HOMER1: variants seen among roughly 807,000 people sequenced by gnomAD.
The protein encoded by HOMER1 is homer scaffold protein 1, also known as homer protein homolog 1.
In HOMER1, 3 loss-of-function variants were observed where a neutral mutation model predicts 48.9. That is an observed-to-expected ratio of 0.06 (90% CI 0.03 to 0.16). The LOEUF (loss-of-function observed/expected upper bound fraction) is 0.16, where lower values mean the gene tolerates loss of function less well. Ranked by LOEUF, HOMER1 falls within the 10% of genes least tolerant of loss-of-function variation. HOMER1 has a pLI of 1.00. For missense variants in HOMER1, 247 were observed against 411.4 expected, an observed-to-expected ratio of 0.60 and a Z score of 3.46; for synonymous variants, 134 against 146.4, an observed-to-expected ratio of 0.92 and a Z score of 0.61.
chr5:79,448,112 A>G (rs1750931840), intron 3 of HOMER1, among the ~76,000 whole-genome samples: 1 of 152,166 alleles, frequency 6.6e-6, no homozygotes, highest in Admixed American at 6.5e-5. Context: ...CATTATCACA[A>G]CTTTTCCTTC....
At chr5:79,458,077 C>T (rs1751220770) in intron 1 of HOMER1, among the ~76,000 whole-genome samples, 1 of 152,114 alleles carries the variant, frequency 6.6e-6, no homozygotes, top group Non-Finnish European at 1.5e-5. Context: ...ATATCTCTTA[C>T]TTAGATCAAG....
intron 8 of HOMER1, among the ~76,000 whole-genome samples, chr5:79,394,606 C>A (rs977328074): frequency 1.3e-5 from 2 of 152,116 alleles, no homozygotes; most frequent in Non-Finnish European, 2.9e-5. Flanking sequence ...GAGAAAGGGT[C>A]TCATTCTGTC....
At chr5:79,479,682 G>A (rs1751892550) in intron 1 of HOMER1, among the ~76,000 whole-genome samples, 1 of 151,196 alleles carries the variant, frequency 6.6e-6, no homozygotes, top group Non-Finnish European at 1.5e-5. Context: ...ATGAACGTGT[G>A]TTGTTTTAAG....
At chr5:79,508,411 G>A (rs1040361022) in intron 1 of HOMER1, among the ~76,000 whole-genome samples, 3 of 152,226 alleles carry the variant, frequency 2.0e-5, no homozygotes, top group South Asian at 2.1e-4. Context: ...TCTTTCCAAC[G>A]GGTCATAGCC....
At chr5:79,439,196 A>C (rs761210499) in intron 4 of HOMER1, 47 bp from the exon 5 acceptor site, 2 of 1,595,916 alleles carry the variant, frequency 1.3e-6, no homozygotes, top group Non-Finnish European at 1.7e-6. Context: ...ACTTTTGTTA[A>C]AGTACACAAT....
chr5:79,425,756 C>T (rs575195661), intron 5 of HOMER1, among the ~76,000 whole-genome samples: 1 of 151,828 alleles, frequency 6.6e-6, no homozygotes, highest in Non-Finnish European at 1.5e-5. Flanking sequence ...TACTAGTATC[C>T]ATTCTCTGTA....
chr5:79,447,589 C>T (rs1447479724), intron 3 of HOMER1, among the ~76,000 whole-genome samples: 2 of 152,158 alleles, frequency 1.3e-5, no homozygotes, highest in African/African-American at 4.8e-5. Flanking sequence ...TATAAACTCT[C>T]TTAATACACA....
chr5:79,457,748 A>G (rs111479645), intron 1 of HOMER1, among the ~76,000 whole-genome samples: 13 of 152,332 alleles, frequency 8.5e-5, no homozygotes, highest in African/African-American at 3.1e-4. Flanking sequence ...TGGTAGGAAC[A>G]TGACACAGTA....
At chr5:79,405,610 T>C (rs1490493650) in intron 5 of HOMER1, among the ~76,000 whole-genome samples, 3 of 152,224 alleles carry the variant, frequency 2.0e-5, no homozygotes, top group Non-Finnish European at 4.4e-5. Context: ...TTTCATTGAT[T>C]CAAGTTTTCT....
At chr5:79,392,854 G>C (rs1246570581) in intron 8 of HOMER1, among the ~76,000 whole-genome samples, 4 of 151,268 alleles carry the variant, frequency 2.6e-5, no homozygotes, top group African/African-American at 9.7e-5. Context: ...CGTTTCTACT[G>C]TATTTTTACT....
At chr5:79,436,519 ACT>A (rs769184435) in intron 5 of HOMER1, among the ~76,000 whole-genome samples, 12 of 152,212 alleles carry the variant, frequency 7.9e-5, no homozygotes, top group Non-Finnish European at 1.5e-4. Context: ...AAAGGCACAC[ACT>A]TTCAAACTTT....
At chr5:79,423,997 T>A (rs1313760891) in intron 5 of HOMER1, among the ~76,000 whole-genome samples, 3 of 152,052 alleles carry the variant, frequency 2.0e-5, no homozygotes, top group Non-Finnish European at 4.4e-5. Flanking sequence ...AATTATTTTC[T>A]CTTGAATTTT....
chr5:79,503,532 GAGAAAAAAAAA>G (rs1240753207), intron 1 of HOMER1, among the ~76,000 whole-genome samples: 1 of 94,026 alleles, frequency 1.1e-5, no homozygotes, highest in African/African-American at 3.7e-5. Context: ...CTGTCACAAA[GAGAAAAAAAAA>G]AAAAAAAAAA....
rs1313092525 is a variant in HOMER1 at position 79,373,206 on chromosome 5, C to T, written c.*2803G>A. ...AGTAAATGCTGTCATCATTTAAATG[C>T]TTTTAAATATCTGTAAAAGACTGGA... On this transcript the variant is annotated 3_prime_UTR_variant, in exon 9 of 9. Transcript: ENST00000334082. 3 of 151,842 alleles carry T rather than the reference C, an allele frequency of 2.0e-5. No individual in the cohort carries two copies. Among genetic ancestry groups the T allele is most frequent in the African/African-American group, 4.8e-5 (2 of 41,364 alleles). The allele number at this position is 151,842 out of a possible 1,614,324, so 9.4% of individuals were successfully genotyped here.
intron 3 of HOMER1, among the ~76,000 whole-genome samples, chr5:79,449,125 C>T (rs1364820325): frequency 6.6e-6 from 1 of 152,146 alleles, no homozygotes; most frequent in Non-Finnish European, 1.5e-5. Flanking sequence ...GACAAAATTA[C>T]TCAGCCCAAA....
chr5:79,439,513 A>T (rs1007020805), intron 4 of HOMER1, among the ~76,000 whole-genome samples: 1 of 152,208 alleles, frequency 6.6e-6, no homozygotes, highest in Admixed American at 6.5e-5. Context: ...AGAAGAAAAG[A>T]TGCACAAAAA....
At chr5:79,487,469 G>T (rs75218577) in intron 1 of HOMER1, among the ~76,000 whole-genome samples, 12,115 of 152,096 alleles carry the variant, frequency 0.08, 1,074 homozygotes, top group East Asian at 0.23. Context: ...AGGAAAAAAA[G>T]TAAAACCTGA....
At chr5:79,387,918 A>T (rs1324526477) in intron 8 of HOMER1, among the ~76,000 whole-genome samples, 1 of 152,210 alleles carries the variant, frequency 6.6e-6, no homozygotes, top group East Asian at 1.9e-4. Flanking sequence ...ACAAACATCA[A>T]ATTGCCTTTA....
chr5:79,435,490 A>T (rs543831620), intron 5 of HOMER1, among the ~76,000 whole-genome samples: 11 of 152,296 alleles, frequency 7.2e-5, no homozygotes, highest in Admixed American at 2.0e-4. Context: ...CTGGCAAAAA[A>T]TTTTTTTGCT....
Sources: gnomAD v4.1 joint callset for allele counts (sites outside exome capture counted in the v4.1 genomes callset) on GRCh38, gnomAD v4.1.1 for gene constraint, MANE v1.5 for transcripts, NCBI Gene and HGNC (gene_info 2026-07-23, HGNC 2026-07-21) for gene names.